Variants in DSCAM observed in about 807,000 individuals in gnomAD.
DSCAM encodes cell adhesion molecule DSCAM.
In DSCAM, 47 loss-of-function variants were observed where a neutral mutation model predicts 217.7. The observed-to-expected ratio is 0.22, with a 90% confidence interval of 0.17 to 0.28. DSCAM has a LOEUF of 0.28. Among genes scored for constraint, DSCAM ranks in the 10% least tolerant of loss-of-function variants. The pLI is 1.00. For synonymous variants in DSCAM, 1,056 were observed against 1,015.3 expected (o/e 1.04, Z -0.76); for missense variants, 2,080 against 2,618.3 (o/e 0.79, Z 4.49).
chr21:40,054,162 C>T (rs1035557467), intron 29 of DSCAM, among the ~76,000 whole-genome samples: 17 of 152,186 alleles, frequency 1.1e-4, no homozygotes, highest in Admixed American at 9.2e-4. Context: ...GGTATACCTT[C>T]CCCTTTCCCA....
At chr21:40,100,154 A>G (rs1230771228) in intron 20 of DSCAM, among the ~76,000 whole-genome samples, 1 of 152,216 alleles carries the variant, frequency 6.6e-6, no homozygotes, top group Admixed American at 6.5e-5. Flanking sequence ...TATAGTATTT[A>G]TTGTAAACAG....
chr21:40,429,743 C>T (rs2075512497), intron 3 of DSCAM, among the ~76,000 whole-genome samples: 1 of 152,162 alleles, frequency 6.6e-6, no homozygotes, highest in Non-Finnish European at 1.5e-5. Flanking sequence ...CTGCCTGGCA[C>T]ACAGTAAGTA....
intron 3 of DSCAM, among the ~76,000 whole-genome samples, chr21:40,428,825 C>T (rs990984278): frequency 6.1e-5 from 9 of 147,398 alleles, no homozygotes; most frequent in Admixed American, 3.5e-4. Flanking sequence ...TATCATACAG[C>T]GACCTAATAC....
intron 2 of DSCAM, among the ~76,000 whole-genome samples, chr21:40,698,419 G>A (rs2090617961): frequency 1.3e-5 from 2 of 152,160 alleles, no homozygotes; most frequent in Non-Finnish European, 2.9e-5. Flanking sequence ...AACTTTAAAA[G>A]GGGGATAATG....
At chr21:40,059,497 C>T (rs752358866) in intron 28 of DSCAM, among the ~76,000 whole-genome samples, 6 of 152,132 alleles carry the variant, frequency 3.9e-5, no homozygotes, top group Admixed American at 6.5e-5. Flanking sequence ...GGTGATGCTG[C>T]CAGGCCAGGA....
At chr21:40,574,161 T>C (rs2076830609) in intron 3 of DSCAM, among the ~76,000 whole-genome samples, 1 of 151,860 alleles carries the variant, frequency 6.6e-6, no homozygotes, top group Non-Finnish European at 1.5e-5. Flanking sequence ...ATATTAAACC[T>C]ACAAAAAACA....
intron 3 of DSCAM, among the ~76,000 whole-genome samples, chr21:40,497,277 CAAGT>C (rs1308403786): frequency 2.6e-5 from 4 of 152,144 alleles, no homozygotes; most frequent in East Asian, 3.9e-4. Context: ...AAAATTTACA[CAAGT>C]AAATAATATT....
chr21:40,616,386 A>G (rs1014309703), intron 3 of DSCAM, among the ~76,000 whole-genome samples: 1 of 152,142 alleles, frequency 6.6e-6, no homozygotes, highest in African/African-American at 2.4e-5. Flanking sequence ...GTTGGTTCGT[A>G]CCAAGTCAAT....
At chr21:40,175,546 G>A (rs1329313544) in intron 15 of DSCAM, among the ~76,000 whole-genome samples, 1 of 152,022 alleles carries the variant, frequency 6.6e-6, no homozygotes, top group African/African-American at 2.4e-5. Context: ...TCCTCCCGGG[G>A]CAGAAGGGGT....
intron 11 of DSCAM, among the ~76,000 whole-genome samples, chr21:40,250,352 TC>T (rs1466506365): frequency 6.6e-6 from 1 of 152,178 alleles, no homozygotes; most frequent in Non-Finnish European, 1.5e-5. Flanking sequence ...GAAGGCTACT[TC>T]CTTTAAGGTT....
Position 40,462,504 on chromosome 21 carries a change from T to C in DSCAM, c.509-93259A>G, listed in dbSNP as rs187091897. ...AATGTTACTGCACATTGGAATCACG[T>C]GGAGATCTTTAAAAAATTTTCACAT... On this transcript the variant is annotated intron_variant, in intron 3 of 32. Transcript: ENST00000400454. Among the ~76,000 whole-genome samples the C allele has an allele frequency of 2.0e-3, 299 of 152,334 alleles. 4 individuals carry two copies. The highest frequency in any genetic ancestry group is 7.1e-3 in the African/African-American group (297 of 41,572).
rs200381144 is a variant in DSCAM, at chr21:40,324,126, A to G, written c.1784-11767T>C. Among the ~76,000 whole-genome samples the G allele has an allele frequency of 0.013, 1,835 of 139,674 alleles. 60 individuals carry two copies. In the East Asian group the frequency reaches 0.15, roughly 11 times the overall value. The allele number at this position is 139,674 out of a possible 152,430, so 91.6% of individuals were successfully genotyped here. A position where few individuals can be genotyped will look rare whatever the true frequency, so the allele number is the denominator to read the frequency against. ...CTCAAAAAAAAAAAAAAAAAAAAAA[A>G]AAAAAGAAAAAAAAAAGAGAGAGAG... is the stretch of plus-strand genomic sequence containing the variant. On this transcript the variant is annotated intron_variant, in intron 8 of 32. Coordinates refer to ENST00000400454, the MANE Select transcript of DSCAM (RefSeq NM_001389.5).
intron 11 of DSCAM, among the ~76,000 whole-genome samples, chr21:40,214,735 C>CAAAA (rs1209648217): frequency 2.1e-4 from 14 of 67,890 alleles, no homozygotes; most frequent in African/African-American, 5.2e-4. Context: ...GCAACAACAG[C>CAAAA]AAAAAAAAAA....
At chr21:40,585,737 C>A (rs1056821947) in intron 3 of DSCAM, among the ~76,000 whole-genome samples, 2 of 152,078 alleles carry the variant, frequency 1.3e-5, no homozygotes, top group African/African-American at 4.8e-5. Flanking sequence ...GTGGATCCCT[C>A]ATGAATGGCT....
At chr21:40,735,746 A>T (rs560937937) in intron 1 of DSCAM, among the ~76,000 whole-genome samples, 1 of 152,168 alleles carries the variant, frequency 6.6e-6, no homozygotes, top group Non-Finnish European at 1.5e-5. Flanking sequence ...TTCAAACCCA[A>T]ATCTGTTGCA....
chr21:40,334,669 T>C (rs2074411039), intron 8 of DSCAM, among the ~76,000 whole-genome samples: 1 of 151,874 alleles, frequency 6.6e-6, no homozygotes, highest in Non-Finnish European at 1.5e-5. Flanking sequence ...CTCACTATGT[T>C]GCCCAGGCTG....
chr21:40,333,652 A>C (rs2074399647), intron 8 of DSCAM, among the ~76,000 whole-genome samples: 1 of 152,238 alleles, frequency 6.6e-6, no homozygotes, highest in Non-Finnish European at 1.5e-5. Context: ...ATATTTTAAA[A>C]TGTAAACTTA....
At chr21:40,197,621 C>T (rs762003414) in intron 11 of DSCAM, among the ~76,000 whole-genome samples, 13 of 152,144 alleles carry the variant, frequency 8.5e-5, no homozygotes, top group Non-Finnish European at 1.6e-4. Context: ...TTTCCCATCC[C>T]CTCTCTTCCC....
chr21:40,746,375 CAA>C (rs3071028), intron 1 of DSCAM, among the ~76,000 whole-genome samples: 2 of 142,064 alleles, frequency 1.4e-5, no homozygotes, highest in African/African-American at 5.1e-5. Context: ...CAAATTGAAG[CAA>C]AAAAAAAAAG....
Sources: allele counts gnomAD v4.1 joint callset (sites outside exome capture counted in the v4.1 genomes callset), GRCh38; gene constraint gnomAD v4.1.1; transcripts MANE v1.5; gene names NCBI Gene and HGNC (gene_info 2026-07-23, HGNC 2026-07-21).